The following HIP1R variants were observed in gnomAD, a reference collection of about 807,000 sequenced individuals.
HIP1R encodes huntingtin interacting protein 1 related.
In HIP1R, 135 loss-of-function variants were observed where a neutral mutation model predicts 144.2. That is an observed-to-expected ratio of 0.94 (90% CI 0.81 to 1.08). HIP1R has a LOEUF of 1.08. HIP1R is among the 50% of genes least tolerant of loss of function. The pLI is 0.00. For missense variants in HIP1R, 1,462 were observed against 1,432.8 expected, an observed-to-expected ratio of 1.02 and a Z score of -0.33; for synonymous variants, 698 against 612.8, an observed-to-expected ratio of 1.14 and a Z score of -2.05.
intron 19 of HIP1R, 31 bp from the exon 20 acceptor site, chr12:122,858,318 G>A (rs2033658255): frequency 1.3e-6 from 2 of 1,594,456 alleles, no homozygotes; most frequent in Non-Finnish European, 1.7e-6. Flanking sequence ...GCAGCGGGTG[G>A]CAGGGGCCTC....
At chr12:122,835,956 C>T (rs905529192) in intron 1 of HIP1R, among the ~76,000 whole-genome samples, 1 of 149,372 alleles carries the variant, frequency 6.7e-6, no homozygotes, top group Non-Finnish European at 1.5e-5. Context: ...CCGGGAGCGC[C>T]GGAGCTGAGG....
chr12:122,857,216 G>T lies in HIP1R; in HGVS notation c.1815+1G>T. Reference sequence around the variant, plus strand: ...GTTGCAGGGCCGGCTGGCAGAGAGGGTATGGCCTCCCCAGATGCAGCAGCA... The same window carrying T: ...GTTGCAGGGCCGGCTGGCAGAGAGGTTATGGCCTCCCCAGATGCAGCAGCA... On this transcript the variant is annotated splice_donor_variant, in intron 18 of 31. Coordinates refer to ENST00000253083, the MANE Select transcript of HIP1R (RefSeq NM_003959.3). LOFTEE classifies it high-confidence loss of function. 1 of 1,550,252 alleles carries T rather than the reference G, an allele frequency of 6.5e-7. No individual in the cohort carries two copies. The highest frequency in any genetic ancestry group is 1.2e-5 in the South Asian group (1 of 84,048).
At chr12:122,857,609 A>G in intron 18 of HIP1R, 2 of 375,452 alleles carry the variant, frequency 5.3e-6, no homozygotes, top group Middle Eastern at 8.4e-4. Flanking sequence ...TGTGGAACAC[A>G]GTAGAACTGC....
rs2135622261 is a variant in HIP1R at position 122,836,259 on chromosome 12, A to AT, written c.93+617dup. On this transcript the variant is annotated intron_variant, in intron 1 of 31. Transcript: ENST00000253083. This position sits in a 1 kb window ranked among gnomAD's most constrained non-coding sequence, Gnocchi z 4.1. Reference sequence around the variant, plus strand: ...ATTTGCTGGGTGAAAAGCTTCTCGTATGTCGCCAGACTTGTTTGCCCGAGC... The same window carrying AT: ...ATTTGCTGGGTGAAAAGCTTCTCGTATTGTCGCCAGACTTGTTTGCCCGAGC... 6.6e-6 allele frequency among the ~76,000 whole-genome samples: 1 copy of AT among 152,218 alleles called. No individual in the cohort carries two copies. Among genetic ancestry groups the AT allele is most frequent in the African/African-American group, 2.4e-5 (1 of 41,516 alleles).
Position 122,859,526 on chromosome 12 carries a change from G to A in HIP1R, c.2396G>A (p.Arg799Gln), listed in dbSNP as rs532740736. 7.4e-6 allele frequency: 12 copies of A among 1,611,558 alleles called. No individual in the cohort carries two copies. The highest frequency in any genetic ancestry group is 6.6e-5 in the South Asian group (6 of 91,034). ...TCCGCAGCCATTGAAGATGCTGTGC[G>A]GAGGATTGAGGTGAGCACGGGATCT... is the stretch of plus-strand genomic sequence containing the variant. ...ATSAAIEDAV[R>Q]RIEDMMNQAR... The change falls in exon 23 of 32, where the codon CGG becomes CAG. Residue 799 changes from arginine to glutamine, a missense_variant. By Grantham distance (43) the Arg-to-Gln change is conservative. Around this residue, in one of 2 missense-constraint regions of HIP1R, gnomAD observed 1,112 missense variants for 1,011.7 expected, o/e 1.10. Transcript: ENST00000253083.
In HIP1R at chr12:122,836,618, G is replaced by A. The variant is rs141744568; in HGVS notation, c.93+975G>A. ...AAAATAAGTCAACCAAGACTGAAAT[G>A]GCTGAAAAATTTTACTCTAGAGATA... On this transcript the variant is annotated intron_variant, in intron 1 of 31. Transcript: ENST00000253083. This position sits in a 1 kb window ranked among gnomAD's most constrained non-coding sequence, Gnocchi z 4.1. 1.3e-5 allele frequency among the ~76,000 whole-genome samples: 2 copies of A among 152,276 alleles called. No individual in the cohort carries two copies. The highest frequency in any genetic ancestry group is 2.4e-5 in the African/African-American group (1 of 41,546).
At position 122,836,399 on chromosome 12, in the gene HIP1R, T is replaced by C. The variant is rs1385130874; in HGVS notation, c.93+756T>C. ...CCACGCTTGTAACTCTTCCAGATGA[T>C]GCCTATCCTGGGAAGGCGTTAGAAA... On this transcript the variant is annotated intron_variant, in intron 1 of 31. Transcript: ENST00000253083. This position sits in a 1 kb window ranked among gnomAD's most constrained non-coding sequence, Gnocchi z 4.1. Among the ~76,000 whole-genome samples, 1 of 152,180 alleles carries C rather than the reference T, an allele frequency of 6.6e-6. No homozygotes were observed.
At position 122,860,970 on chromosome 12, in the gene HIP1R, ACAGT is replaced by A; in HGVS notation, c.2824_2827del (p.Val942MetfsTer34). 1.2e-6 allele frequency: 2 copies of A among 1,613,436 alleles called. No individual in the cohort carries two copies. The highest frequency in any genetic ancestry group is 1.7e-6 in the Non-Finnish European group (2 of 1,179,942). Reference sequence around the variant, plus strand: ...GAGCCGCCTGCAGGAATGTTCTCGCACAGTCAATGAGAGGGCTGCCAATGTGGTG... The same window carrying A: ...GAGCCGCCTGCAGGAATGTTCTCGCACAATGAGAGGGCTGCCAATGTGGTG... On this transcript the variant is annotated frameshift_variant, in exon 29 of 32. Coordinates refer to ENST00000253083, the MANE Select transcript of HIP1R (RefSeq NM_003959.3). LOFTEE classifies it high-confidence loss of function.
At chr12:122,852,967 T>C (rs907351925) in intron 7 of HIP1R, among the ~76,000 whole-genome samples, 3 of 151,876 alleles carry the variant, frequency 2.0e-5, no homozygotes, top group Non-Finnish European at 2.9e-5. Flanking sequence ...TTCTTGCCCC[T>C]CCCCCCCAGG....
At chr12:122,860,001 G>T in intron 24 of HIP1R, 46 bp from the exon 25 acceptor site, 1 of 1,531,610 alleles carries the variant, frequency 6.5e-7, no homozygotes. Flanking sequence ...GCGTCGTGTG[G>T]GCTGCTCTGC....
intron 4 of HIP1R, 107 bp from the exon 5 acceptor site, chr12:122,849,768 T>A (rs2033319629): frequency 1.4e-6 from 1 of 721,838 alleles, no homozygotes; most frequent in Admixed American, 2.2e-5. Flanking sequence ...AAGACGTTTG[T>A]TGAATGAAGA....
At chr12:122,859,877 C>T (rs552777299) in intron 24 of HIP1R, 47 bp downstream of exon 24, 18 of 1,574,668 alleles carry the variant, frequency 1.1e-5, no homozygotes, top group South Asian at 5.7e-5. Context: ...GTGGGCTCCC[C>T]GTGGCCCCTA....
Position 122,835,620 on chromosome 12 carries a change from C to A in HIP1R, c.70C>A (p.Arg24Ser), listed in dbSNP as rs2032862102. 7.9e-7 allele frequency: 1 copy of A among 1,264,516 alleles called. No homozygotes were observed. Among genetic ancestry groups the A allele is most frequent in the Non-Finnish European group, 1.0e-6 (1 of 996,900 alleles). 78.3% of individuals were successfully genotyped at this position (1,264,516 alleles called of 1,614,324 possible). ...GCCGGGCCACAGCCTGGAGGCCGAG[C>A]GCGAGCAGTTCGACAAGACCCAGGC... The part of the protein sequence containing the change: ...RRPGHSLEAE[R>S]EQFDKTQAIS... Residue 24 changes from arginine to serine, a missense_variant, in exon 1 of 32, where the codon CGC becomes AGC. By Grantham distance (110) the Arg-to-Ser change is moderately radical (BLOSUM62 -1). Coordinates refer to ENST00000253083, the MANE Select transcript of HIP1R (RefSeq NM_003959.3).
At chr12:122,859,032 GCTCCA>G (rs756220993) in intron 21 of HIP1R, 24 bp from the exon 22 acceptor site, 71 of 1,606,370 alleles carry the variant, frequency 4.4e-5, no homozygotes, top group Non-Finnish European at 4.8e-5. Context: ...GGTGGGGGGG[GCTCCA>G]CTCACGGTCC....
At chr12:122,855,655 C>T (rs369676516) in intron 12 of HIP1R, 43 bp downstream of exon 12, 384 of 1,544,144 alleles carry the variant, frequency 2.5e-4, no homozygotes, top group South Asian at 3.3e-4. Flanking sequence ...TGGTTGGAAA[C>T]GGGCTCAGCT....
chr12:122,856,121 C>A lies in HIP1R; in HGVS notation c.1270C>A (p.Leu424Met). The change falls in exon 14 of 32, where the codon CTG becomes ATG. Residue 424 changes from leucine (L) to methionine (M), a missense_variant. Leu to Met is a conservative substitution (Grantham distance 15). Transcript: ENST00000253083. ...GCTGGCCCAGCTGAGGGCTGCCCAG[C>A]TGGAGGGCGAGCGGAGCCAGGGCCT... ...HELAQLRAAQ[L>M]EGERSQGLRE... 6.3e-7 allele frequency: 1 copy of A among 1,589,898 alleles called. No homozygotes were observed. Among genetic ancestry groups the A allele is most frequent in the South Asian group, 1.1e-5 (1 of 88,242 alleles).
Position 122,861,211 on chromosome 12 carries a change from C to CT in HIP1R, c.2952+19_2952+20insT. The CT allele has an allele frequency of 6.2e-7, 1 of 1,612,588 alleles. No homozygotes were observed. Among genetic ancestry groups the CT allele is most frequent in the Non-Finnish European group, 8.5e-7 (1 of 1,179,792 alleles). ...GACCCAGGTAGGCGCCCATGGCTGCCCCGTGACCTCTGAGCTCATCCCTCG... is the reference window on the plus strand; with the variant it reads ...GACCCAGGTAGGCGCCCATGGCTGCCTCCGTGACCTCTGAGCTCATCCCTCG... On this transcript the variant is annotated intron_variant, in intron 30 of 31. Coordinates refer to ENST00000253083, the MANE Select transcript of HIP1R (RefSeq NM_003959.3).
intron 1 of HIP1R, among the ~76,000 whole-genome samples, chr12:122,844,178 A>T (rs1593863540): frequency 6.6e-6 from 1 of 151,118 alleles, no homozygotes; most frequent in Non-Finnish European, 1.5e-5. Context: ...TCACTCTGTT[A>T]CCCAGGCTGC....
chr12:122,859,483 A>C lies in HIP1R; in HGVS notation c.2353A>C (p.Lys785Gln). The C allele has an allele frequency of 6.8e-6, 11 of 1,613,458 alleles. No homozygotes were observed. Among genetic ancestry groups the C allele is most frequent in the Non-Finnish European group, 9.3e-6 (11 of 1,179,940 alleles). ...GGAGGAGCTGGGGGCCGTGGTCGACAAGGAGATGGCGGCCACATCCGCAGC... is the reference window on the plus strand; with the variant it reads ...GGAGGAGCTGGGGGCCGTGGTCGACCAGGAGATGGCGGCCACATCCGCAGC... Reference protein sequence around the residue: ...RQEELGAVVDKEMAATSAAIE... With the variant: ...RQEELGAVVDQEMAATSAAIE... Residue 785 changes from lysine to glutamine, a missense_variant, in exon 23 of 32, where the codon AAG becomes CAG. Around this residue, in one of 2 missense-constraint regions of HIP1R, gnomAD observed 1,112 missense variants for 1,011.7 expected, o/e 1.10. Coordinates refer to ENST00000253083, the MANE Select transcript of HIP1R (RefSeq NM_003959.3).
Sources: allele counts gnomAD v4.1 joint callset (sites outside exome capture counted in the v4.1 genomes callset), GRCh38; gene constraint gnomAD v4.1.1; regional missense constraint gnomAD v4.1.1; non-coding constraint Gnocchi (gnomAD v3.1); transcripts MANE v1.5; gene names NCBI Gene and HGNC (gene_info 2026-07-23, HGNC 2026-07-21).